PEX16: variants seen among roughly 807,000 people sequenced by gnomAD.
PEX16 encodes peroxisomal biogenesis factor 16.
Under a neutral mutation model 50.5 loss-of-function variants are expected in PEX16, and 37 were observed. The observed-to-expected ratio is 0.73, with a 90% CI of 0.56 to 0.96. The LOEUF is 0.96. Ranked by LOEUF, PEX16 falls within the 40% of genes least tolerant of loss-of-function variation. PEX16 has a pLI of 0.00. For missense variants in PEX16, 401 were observed against 438.3 expected (o/e 0.91, Z 0.76); for synonymous variants, 185 against 190.3 (o/e 0.97, Z 0.23).
intron 6 of PEX16, 22 bp from the exon 7 acceptor site, chr11:45,914,490 TGAGC>T: frequency 6.2e-7 from 1 of 1,608,022 alleles, no homozygotes; most frequent in Non-Finnish European, 8.5e-7. Context: ...GGGCGGCAGA[TGAGC>T]GAGCCAGGCC....
At chr11:45,910,342 G>T in intron 10 of PEX16, 30 bp from the exon 11 acceptor site, 1 of 1,566,590 alleles carries the variant, frequency 6.4e-7, no homozygotes, top group South Asian at 1.1e-5. Flanking sequence ...CATCAGGGCA[G>T]GCCAGACCCC....
chr11:45,917,232 C>T, intron 2 of PEX16: 1 of 693,834 alleles, frequency 1.4e-6, no homozygotes, highest in East Asian at 2.7e-5. Flanking sequence ...TAGTCCAGCG[C>T]CTGGCCAGTA....
At position 45,915,491 on chromosome 11, in the gene PEX16, C is replaced by T; in HGVS notation, c.437G>A (p.Arg146Lys). 1 of 1,614,182 alleles carries T rather than the reference C, an allele frequency of 6.2e-7. No homozygotes were observed. Among genetic ancestry groups the T allele is most frequent in the Non-Finnish European group, 8.5e-7 (1 of 1,180,030 alleles). The part of the protein sequence containing the change: ...QTSPPIVPLD[R>K]ETQAQPPDGD... ...ACCCGGGGGCTGTGCCTGGGTCTCT[C>T]TGTCCAGTGGAACGATAGGGGGTGA... The change falls in exon 5 of 11, where the codon AGA becomes AAA. Residue 146 changes from arginine (R) to lysine (K), a missense_variant. Coordinates refer to ENST00000378750, the MANE Select transcript of PEX16 (RefSeq NM_004813.4).
At chr11:45,911,324 C>T (rs2086776570) in intron 9 of PEX16, among the ~76,000 whole-genome samples, 1 of 152,208 alleles carries the variant, frequency 6.6e-6, no homozygotes, top group East Asian at 1.9e-4. Context: ...ACCCTGCCCT[C>T]GGGAAGCCCC....
At chr11:45,912,440 A>G (rs556127143) in intron 9 of PEX16, among the ~76,000 whole-genome samples, 35 of 151,912 alleles carry the variant, frequency 2.3e-4, no homozygotes, top group African/African-American at 7.7e-4. Flanking sequence ...CAGAGCTTGC[A>G]GTGAGCCAAG....
At chr11:45,912,436 T>G (rs1381711863) in intron 9 of PEX16, among the ~76,000 whole-genome samples, 1 of 151,772 alleles carries the variant, frequency 6.6e-6, no homozygotes, top group Non-Finnish European at 1.5e-5. Flanking sequence ...GAGGCAGAGC[T>G]TGCAGTGAGC....
Position 45,910,401 on chromosome 11 carries a change from A to G in PEX16, c.953-89T>C, listed in dbSNP as rs1401314610. 2.8e-6 allele frequency: 3 copies of G among 1,089,438 alleles called. No individual in the cohort carries two copies. The South Asian group carries it at 3.8e-5, about 14-fold the overall frequency. The allele number at this position is 1,089,438 out of a possible 1,614,324, so 67.5% of individuals were successfully genotyped here. ...CAGCACCTCACCCCTGCGGCCCAGG[A>G]GCCAGCCCAGCTGGCTGTCTTGCCC... On this transcript the variant is annotated intron_variant, in intron 10 of 10. Coordinates refer to ENST00000378750, the MANE Select transcript of PEX16 (RefSeq NM_004813.4).
In PEX16 at chr11:45,910,949, A is replaced by G; in HGVS notation, c.901T>C (p.Phe301Leu). The G allele has an allele frequency of 6.2e-7, 1 of 1,612,816 alleles. No homozygotes were observed. Residue 301 changes from phenylalanine to leucine, a missense_variant, in exon 10 of 11, where the codon TTC becomes CTC. By Grantham distance (22) the Phe-to-Leu change is conservative. Coordinates refer to ENST00000378750, the MANE Select transcript of PEX16 (RefSeq NM_004813.4). ...YDRFSEARIL[F>L]LLQLLADHVP... ...TGGTCGGCCAGCAACTGGAGCAGGA[A>G]GAGGATCCTGGCCCTGGGGGAGGCA...
chr11:45,911,054 G>T, intron 9 of PEX16, 92 bp from the exon 10 acceptor site: 1 of 856,274 alleles, frequency 1.2e-6, no homozygotes. Flanking sequence ...TGACCACCGT[G>T]CCGAATGCAG....
intron 9 of PEX16, 21 bp from the exon 10 acceptor site, chr11:45,910,983 G>A: frequency 6.2e-7 from 1 of 1,603,518 alleles, no homozygotes. Context: ...CAATAAATGG[G>A]GAGCAAGCTG....
intron 10 of PEX16, 151 bp from the exon 11 acceptor site, chr11:45,910,463 C>T (rs1381425015): frequency 1.4e-6 from 1 of 716,636 alleles, no homozygotes. Context: ...GACTCTGGCA[C>T]CATTTACAAA....
chr11:45,917,345 A>G, intron 2 of PEX16, 113 bp downstream of exon 2: 2 of 890,508 alleles, frequency 2.2e-6, no homozygotes, highest in Non-Finnish European at 3.7e-6. Context: ...TCATAGCACA[A>G]GGTGTCTAAC....
chr11:45,914,252 GCA>G (rs971604129), intron 7 of PEX16, 49 bp from the exon 8 acceptor site: 12 of 1,613,064 alleles, frequency 7.4e-6, no homozygotes, highest in Non-Finnish European at 1.0e-5. Context: ...GCCTTGCTCA[GCA>G]CACTCCCCAC....
intron 5 of PEX16, 103 bp downstream of exon 5, chr11:45,915,365 C>T (rs999996286): frequency 6.1e-6 from 5 of 823,624 alleles, no homozygotes; most frequent in Admixed American, 3.6e-5. Context: ...TAGGGACAGG[C>T]GTGCTCCATA....
chr11:45,915,350 G>A, intron 5 of PEX16, 118 bp downstream of exon 5: 1 of 743,586 alleles, frequency 1.3e-6, no homozygotes, highest in Non-Finnish European at 2.4e-6. Flanking sequence ...AGAACACATA[G>A]TTGATAGGGA....
At chr11:45,914,494 C>T (rs745581860) in intron 6 of PEX16, 26 bp from the exon 7 acceptor site, 14 of 1,608,990 alleles carry the variant, frequency 8.7e-6, no homozygotes, top group African/African-American at 2.7e-5. Flanking sequence ...GGCAGATGAG[C>T]GAGCCAGGCC....
At position 45,914,377 on chromosome 11, in the gene PEX16, G is replaced by T. The variant is rs1320072269; in HGVS notation, c.633C>A (p.Thr211=). 2.5e-6 allele frequency: 4 copies of T among 1,610,712 alleles called. No homozygotes were observed. The highest frequency in any genetic ancestry group is 2.7e-5 in the African/African-American group (2 of 75,062). Residue 211 remains threonine (T), a synonymous_variant, in exon 7 of 11, where the codon ACC becomes ACA. Transcript: ENST00000378750. ...CGATGGTCTCCTGCAGCCCCAGGGGGGTGGGGGTCGCACTCAGCTCCTCGT... is the reference window on the plus strand; with the variant it reads ...CGATGGTCTCCTGCAGCCCCAGGGGTGTGGGGGTCGCACTCAGCTCCTCGT... ...QHHEELSATP[T]PLGLQETIAE...
At chr11:45,917,378 G>A in intron 2 of PEX16, 80 bp downstream of exon 2, 8 of 1,344,102 alleles carry the variant, frequency 6.0e-6, no homozygotes, top group Non-Finnish European at 8.5e-6. Flanking sequence ...TCCTCGGGCT[G>A]GGGTGCTCAC....
At chr11:45,916,706 G>T (rs1213106329) in intron 2 of PEX16, among the ~76,000 whole-genome samples, 1 of 152,114 alleles carries the variant, frequency 6.6e-6, no homozygotes, top group Non-Finnish European at 1.5e-5. Flanking sequence ...TTTCACTCTT[G>T]TTGCCCAGGC....
Sources: allele counts gnomAD v4.1 joint callset (sites outside exome capture counted in the v4.1 genomes callset), GRCh38; gene constraint gnomAD v4.1.1; transcripts MANE v1.5; gene names NCBI Gene and HGNC (gene_info 2026-07-23, HGNC 2026-07-21).